The following TAFA2 variants were observed in gnomAD, a reference collection of about 807,000 sequenced individuals.
TAFA2 encodes the protein TAFA chemokine like family member 2.
A neutral mutation model predicts 18.8 loss-of-function variants in TAFA2; 7 were observed. That is an observed-to-expected ratio of 0.37 (90% CI 0.21 to 0.70). The LOEUF (loss-of-function observed/expected upper bound fraction) is 0.70. Among genes scored for constraint, TAFA2 ranks in the 30% least tolerant of loss-of-function variants. The pLI is 0.53. For synonymous variants in TAFA2, 60 were observed against 54.2 expected, an observed-to-expected ratio of 1.11 and a Z score of -0.47; for missense variants, 122 against 158.1, an observed-to-expected ratio of 0.77 and a Z score of 1.23.
intron 1 of TAFA2, 139 bp from the exon 2 acceptor site, chr12:61,867,565 T>C (rs974328372): frequency 1.7e-6 from 1 of 594,284 alleles, no homozygotes; most frequent in Non-Finnish European, 3.0e-6. Flanking sequence ...TTTAAAATGC[T>C]GTTCACTGTA....
chr12:62,163,398 T>C (rs555514749), intron 1 of TAFA2, among the ~76,000 whole-genome samples: 95 of 152,268 alleles, frequency 6.2e-4, no homozygotes, highest in African/African-American at 2.2e-3. Flanking sequence ...ATCTGCTTTA[T>C]CTCCATAACA....
intron 1 of TAFA2, among the ~76,000 whole-genome samples, chr12:62,170,674 C>G (rs2062471367): frequency 7.1e-6 from 1 of 140,958 alleles, no homozygotes; most frequent in Admixed American, 6.8e-5. Flanking sequence ...TACATCGATA[C>G]AATGCAGAGT....
At chr12:61,957,865 A>G (rs979311547) in intron 1 of TAFA2, among the ~76,000 whole-genome samples, 5 of 152,098 alleles carry the variant, frequency 3.3e-5, no homozygotes, top group African/African-American at 1.2e-4. Context: ...GACACAATGC[A>G]TCCCTATAGT....
chr12:62,223,663 C>CTACAAAA (rs1298065336), intron 1 of TAFA2, among the ~76,000 whole-genome samples: 1 of 151,984 alleles, frequency 6.6e-6, no homozygotes, highest in Non-Finnish European at 1.5e-5. Context: ...AGAGCTAAAA[C>CTACAAAA]TACAAAATTT....
At chr12:61,842,745 G>C (rs923863290) in intron 2 of TAFA2, among the ~76,000 whole-genome samples, 11 of 151,982 alleles carry the variant, frequency 7.2e-5, no homozygotes, top group Admixed American at 1.3e-4. Flanking sequence ...AGTAACCACA[G>C]ACCGAAACAC....
chr12:61,754,775 C>T, intron 3 of TAFA2, 97 bp downstream of exon 3: 1 of 1,236,970 alleles, frequency 8.1e-7, no homozygotes, highest in Non-Finnish European at 1.1e-6. Flanking sequence ...AGTATGTTCA[C>T]CCAGGATTGA....
At chr12:61,779,919 T>C (rs1870432590) in intron 2 of TAFA2, among the ~76,000 whole-genome samples, 1 of 151,746 alleles carries the variant, frequency 6.6e-6, no homozygotes, top group Non-Finnish European at 1.5e-5. Flanking sequence ...CAATATAATA[T>C]CTCTATTAAT....
intron 1 of TAFA2, among the ~76,000 whole-genome samples, chr12:62,083,220 C>T (rs1287026943): frequency 4.6e-5 from 7 of 151,408 alleles, no homozygotes; most frequent in Non-Finnish European, 8.8e-5. Flanking sequence ...ATATAAATCT[C>T]GTATGACCTG....
intron 1 of TAFA2, among the ~76,000 whole-genome samples, chr12:62,137,844 G>A (rs540155704): frequency 8.9e-4 from 135 of 152,136 alleles, no homozygotes; most frequent in African/African-American, 2.9e-3. Context: ...CCCTGCAATG[G>A]CTCTCCAACA....
At chr12:62,258,640 A>G (rs1272714020) in intron 1 of TAFA2, 3 of 233,058 alleles carry the variant, frequency 1.3e-5, no homozygotes, top group Non-Finnish European at 2.7e-5. Context: ...GGCAATAAAC[A>G]CAAATTGTTT....
At chr12:61,765,095 C>T (rs1045949891) in intron 2 of TAFA2, among the ~76,000 whole-genome samples, 3 of 152,064 alleles carry the variant, frequency 2.0e-5, no homozygotes, top group Non-Finnish European at 4.4e-5. Flanking sequence ...AGGCTATTTT[C>T]CAGTCTTCCT....
chr12:61,870,931 T>C (rs1469731195), intron 1 of TAFA2, among the ~76,000 whole-genome samples: 1 of 152,192 alleles, frequency 6.6e-6, no homozygotes, highest in African/African-American at 2.4e-5. Flanking sequence ...AGACAGCAAC[T>C]GTGCCCCATA....
chr12:62,083,953 G>T (rs1230570543), intron 1 of TAFA2, among the ~76,000 whole-genome samples: 2 of 152,116 alleles, frequency 1.3e-5, no homozygotes, highest in African/African-American at 4.8e-5. Flanking sequence ...ATGTGTGCTT[G>T]AGTGTGTGTG....
At chr12:61,848,096 A>G (rs915649558) in intron 2 of TAFA2, among the ~76,000 whole-genome samples, 11 of 152,198 alleles carry the variant, frequency 7.2e-5, no homozygotes, top group Non-Finnish European at 1.5e-4. Flanking sequence ...TCATTATAAA[A>G]CAGCTCACTT....
chr12:62,119,438 T>G (rs1043896279), intron 1 of TAFA2, among the ~76,000 whole-genome samples: 2 of 152,176 alleles, frequency 1.3e-5, no homozygotes, highest in Non-Finnish European at 2.9e-5. Context: ...TTTGACTAAC[T>G]GGAACACACA....
At chr12:62,155,184 C>A (rs2062360022) in intron 1 of TAFA2, among the ~76,000 whole-genome samples, 1 of 152,144 alleles carries the variant, frequency 6.6e-6, no homozygotes, top group Non-Finnish European at 1.5e-5. Flanking sequence ...AAGAACTCAA[C>A]CTCTTTTACA....
chr12:62,085,891 C>A (rs1219119615), intron 1 of TAFA2, among the ~76,000 whole-genome samples: 1 of 152,054 alleles, frequency 6.6e-6, no homozygotes. Context: ...TTTTCCCATG[C>A]TGTTCTTGTG....
intron 1 of TAFA2, among the ~76,000 whole-genome samples, chr12:61,936,576 A>G (rs1877777086): frequency 7.0e-6 from 1 of 143,436 alleles, no homozygotes; most frequent in South Asian, 2.1e-4. Flanking sequence ...TCAAAAAAAC[A>G]TAAAAATACA....
chr12:61,807,189 T>A (rs934978745), intron 2 of TAFA2, among the ~76,000 whole-genome samples: 13 of 151,364 alleles, frequency 8.6e-5, no homozygotes, highest in Non-Finnish European at 2.9e-5. Context: ...AGGTTCCTCA[T>A]GCTGTGTGCA....
Sources: gnomAD v4.1 joint callset for allele counts (sites outside exome capture counted in the v4.1 genomes callset) on GRCh38, gnomAD v4.1.1 for gene constraint, MANE v1.5 for transcripts, NCBI Gene and HGNC (gene_info 2026-07-23, HGNC 2026-07-21) for gene names.